Variants in ZNF710 observed in about 807,000 individuals in gnomAD.
ZNF710 encodes the protein zinc finger protein 710.
A neutral mutation model predicts 50.6 loss-of-function variants in ZNF710; 13 were observed. That is an observed-to-expected ratio of 0.26 (90% CI 0.17 to 0.41). The LOEUF (loss-of-function observed/expected upper bound fraction) is 0.41. ZNF710 is among the 10% of genes least tolerant of loss of function. The probability of loss-of-function intolerance (pLI) is 1.00; values close to 1 mark genes in which losing one functional copy is unlikely to be tolerated. For missense variants in ZNF710, 721 were observed against 936.6 expected (o/e 0.77, Z 3.01); for synonymous variants, 383 against 397.0 (o/e 0.96, Z 0.42).
At chr15:90,036,246 C>T (rs1182938070) in intron 1 of ZNF710, among the ~76,000 whole-genome samples, 1 of 134,202 alleles carries the variant, frequency 7.5e-6, no homozygotes, top group Non-Finnish European at 1.6e-5. Context: ...CCCCCACCCC[C>T]TCCGCCTCTG....
intron 1 of ZNF710, among the ~76,000 whole-genome samples, chr15:90,055,530 T>C (rs1280053573): frequency 6.6e-6 from 1 of 152,182 alleles, no homozygotes; most frequent in Non-Finnish European, 1.5e-5. Flanking sequence ...GTGACTGGGA[T>C]GTGGAGCAGG....
chr15:90,004,413 G>A (rs1422097207), intron 1 of ZNF710, among the ~76,000 whole-genome samples: 1 of 152,212 alleles, frequency 6.6e-6, no homozygotes, highest in African/African-American at 2.4e-5. Context: ...CAGTGCTGAT[G>A]CTTGGCGCAG....
intron 1 of ZNF710, among the ~76,000 whole-genome samples, chr15:90,029,715 A>G (rs1898877436): frequency 6.6e-6 from 1 of 152,108 alleles, no homozygotes; most frequent in Admixed American, 6.5e-5. Context: ...TCCGGGTTCC[A>G]GTGATTCTCC....
upstream of ZNF710, among the ~76,000 whole-genome samples, chr15:90,001,164 G>A (rs971629040): frequency 2.0e-5 from 3 of 152,174 alleles, no homozygotes; most frequent in Non-Finnish European, 4.4e-5. Context: ...TTCAATTCGA[G>A]TGGGAGAGTT....
intron 1 of ZNF710, among the ~76,000 whole-genome samples, chr15:90,045,736 G>A (rs1257121319): frequency 6.6e-6 from 1 of 152,178 alleles, no homozygotes; most frequent in Non-Finnish European, 1.5e-5. Context: ...GGAGGACATA[G>A]ATCTGGCCCC....
chr15:90,012,706 T>C (rs2151465686), intron 1 of ZNF710, among the ~76,000 whole-genome samples: 1 of 152,334 alleles, frequency 6.6e-6, no homozygotes, highest in African/African-American at 2.4e-5. Context: ...AATCCCTGTT[T>C]AGCCCTTCAC....
At chr15:90,027,504 C>G (rs937333391) in intron 1 of ZNF710, among the ~76,000 whole-genome samples, 2 of 152,068 alleles carry the variant, frequency 1.3e-5, no homozygotes, top group African/African-American at 4.8e-5. Context: ...GCCATATGCC[C>G]AGCCATTGAT....
rs199779969 is a variant in ZNF710, at chr15:90,068,391, C to T, written c.1254C>T (p.Thr418=). Reference sequence around the variant, plus strand: ...TCGAGTGCGGCCTGGACTTCTCCACCCTGACCCAGCTCAAGCGCCACCTGG... The same window carrying T: ...TCGAGTGCGGCCTGGACTTCTCCACTCTGACCCAGCTCAAGCGCCACCTGG... ...VCVECGLDFS[T]LTQLKRHLAS... The change falls in exon 2 of 5, where the codon ACC becomes ACT. Residue 418 remains threonine (T), a synonymous_variant. Coordinates refer to ENST00000268154, the MANE Select transcript of ZNF710 (RefSeq NM_198526.4). This position sits in a 1 kb window ranked among gnomAD's most constrained non-coding sequence, Gnocchi z 5.0. 2.9e-4 allele frequency: 471 copies of T among 1,613,586 alleles called. 2 individuals are homozygous for T. Among genetic ancestry groups the T allele is most frequent in the Admixed American group, 1.8e-3 (107 of 60,024 alleles).
Position 90,067,540 on chromosome 15 carries a change from C to T in ZNF710, c.403C>T (p.Pro135Ser). The change falls in exon 2 of 5, where the codon CCA becomes TCA. Residue 135 changes from proline to serine, a missense_variant. By Grantham distance (74) the Pro-to-Ser change is moderately conservative. Coordinates refer to ENST00000268154, the MANE Select transcript of ZNF710 (RefSeq NM_198526.4). The surrounding 1 kb of genome is among the most constrained non-coding windows in gnomAD (Gnocchi z 8.1). The part of the protein sequence containing the change: ...SVPGDDKDAG[P>S]AEAPAEAASG... ...GCCAGGTGACGACAAGGACGCAGGG[C>T]CAGCAGAAGCCCCCGCCGAGGCGGC... 6.2e-7 allele frequency: 1 copy of T among 1,612,716 alleles called. No homozygotes were observed. The highest frequency in any genetic ancestry group is 1.1e-5 in the South Asian group (1 of 90,964).
intron 1 of ZNF710, among the ~76,000 whole-genome samples, chr15:90,064,874 T>G (rs1194373910): frequency 6.6e-6 from 1 of 152,076 alleles, no homozygotes; most frequent in Non-Finnish European, 1.5e-5. Context: ...TCACAACCCT[T>G]CCATGGGTGA....
intron 1 of ZNF710, among the ~76,000 whole-genome samples, chr15:90,056,916 T>C (rs1259098163): frequency 6.6e-6 from 1 of 152,102 alleles, no homozygotes; most frequent in African/African-American, 2.4e-5. Flanking sequence ...GGGGGTTGAT[T>C]GCCAGCGAGG....
intron 2 of ZNF710, among the ~76,000 whole-genome samples, chr15:90,071,459 G>C (rs1380111699): frequency 6.6e-6 from 1 of 152,082 alleles, no homozygotes; most frequent in African/African-American, 2.4e-5. Flanking sequence ...CGATGTGTCA[G>C]GAGGGGGTAT....
intron 1 of ZNF710, among the ~76,000 whole-genome samples, chr15:90,041,168 G>T (rs1899284489): frequency 6.6e-6 from 1 of 151,332 alleles, no homozygotes; most frequent in Non-Finnish European, 1.5e-5. Context: ...TAGGTATCTT[G>T]CCAGTTAAAT....
At chr15:90,013,676 A>G (rs781560211) in intron 1 of ZNF710, among the ~76,000 whole-genome samples, 3 of 152,108 alleles carry the variant, frequency 2.0e-5, no homozygotes, top group Non-Finnish European at 4.4e-5. Context: ...CACTAAGATT[A>G]CTTCCTTCCT....
rs200749761 is a variant in ZNF710, at chr15:90,079,727, C to G, written c.1893C>G (p.Phe631Leu). 2.9e-5 allele frequency: 47 copies of G among 1,613,902 alleles called. No homozygotes were observed. Among genetic ancestry groups the G allele is most frequent in the Non-Finnish European group, 3.6e-5 (42 of 1,179,934 alleles). Residue 631 changes from phenylalanine (F) to leucine (L), a missense_variant, in exon 5 of 5, where the codon TTC (phenylalanine) becomes TTG (leucine). This residue lies in a region of ZNF710 where 69 missense variants were observed against 67.6 expected (regional missense o/e 1.02). Coordinates refer to ENST00000268154, the MANE Select transcript of ZNF710 (RefSeq NM_198526.4). ...ELDGQQEMED[F>L]EENAYSYASV... is the part of the protein sequence containing the mutation. ...ACGGCCAGCAGGAGATGGAGGACTT[C>G]GAGGAGAACGCCTACAGCTATGCGA...
Position 90,080,099 on chromosome 15 carries a change from C to A in ZNF710, c.*270C>A. On this transcript the variant is annotated 3_prime_UTR_variant, in exon 5 of 5. Coordinates refer to ENST00000268154, the MANE Select transcript of ZNF710 (RefSeq NM_198526.4). The stretch of plus-strand genomic sequence containing the variant: ...AGATCTGGGTCTCCCTGGCCTGCTT[C>A]CGTGGGGAGTGGGAGAAGTGGGGCC... 3.0e-6 allele frequency: 1 copy of A among 335,388 alleles called. No individual in the cohort carries two copies. The highest frequency in any genetic ancestry group is 5.0e-5 in the South Asian group (1 of 19,912). The allele number at this position is 335,388 out of a possible 1,614,324, so 20.8% of individuals were successfully genotyped here. A position where few individuals can be genotyped will look rare whatever the true frequency, so the allele number is the denominator to read the frequency against.
chr15:89,999,761 G>A (rs1260745761), upstream of ZNF710, among the ~76,000 whole-genome samples: 2 of 152,042 alleles, frequency 1.3e-5, no homozygotes, highest in East Asian at 1.9e-4. Context: ...GTGTCCCCGG[G>A]AGGCTGCAGT....
At chr15:90,061,726 G>A (rs1900013924) in intron 1 of ZNF710, among the ~76,000 whole-genome samples, 1 of 152,194 alleles carries the variant, frequency 6.6e-6, no homozygotes, top group South Asian at 2.1e-4. Context: ...TGAGCAGTGT[G>A]GGATGAGAGG....
At chr15:90,054,648 G>T (rs141401329) in intron 1 of ZNF710, among the ~76,000 whole-genome samples, 1 of 152,210 alleles carries the variant, frequency 6.6e-6, no homozygotes, top group Non-Finnish European at 1.5e-5. Context: ...AAGTTCAAGC[G>T]CAGTGAATGG....
Sources: allele counts gnomAD v4.1 joint callset (sites outside exome capture counted in the v4.1 genomes callset), GRCh38; gene constraint gnomAD v4.1.1; regional missense constraint gnomAD v4.1.1; non-coding constraint Gnocchi (gnomAD v3.1); transcripts MANE v1.5; gene names NCBI Gene and HGNC (gene_info 2026-07-23, HGNC 2026-07-21).